TAOK1: variants seen among roughly 807,000 people sequenced by gnomAD.
TAOK1 encodes the protein serine/threonine-protein kinase TAO1.
A neutral mutation model predicts 138.3 loss-of-function variants in TAOK1; 21 were observed. The ratio of observed to expected loss-of-function variants is 0.15; its 90% CI spans 0.11 to 0.22. The LOEUF (loss-of-function observed/expected upper bound fraction) is 0.22. TAOK1 is among the 10% of genes least tolerant of loss of function. TAOK1 has a pLI of 1.00. For synonymous variants in TAOK1, 361 were observed against 398.4 expected (o/e 0.91, Z 1.12); for missense variants, 651 against 1,227.7 (o/e 0.53, Z 7.02).
chr17:29,413,881 C>CTTTTTTTT (rs34539579), intron 1 of TAOK1, among the ~76,000 whole-genome samples: 10 of 101,224 alleles, frequency 9.9e-5, no homozygotes, highest in East Asian at 3.3e-4. Context: ...TTTCTGGCTT[C>CTTTTTTTT]TTTTTTTTTT....
At chr17:29,431,682 C>T (rs1345025872) in intron 1 of TAOK1, among the ~76,000 whole-genome samples, 1 of 152,000 alleles carries the variant, frequency 6.6e-6, no homozygotes, top group Non-Finnish European at 1.5e-5. Flanking sequence ...TCTTGTCACC[C>T]AGGCTGGAGT....
intron 3 of TAOK1, among the ~76,000 whole-genome samples, chr17:29,468,299 G>T (rs1333838517): frequency 6.6e-6 from 1 of 150,798 alleles, no homozygotes; most frequent in African/African-American, 2.4e-5. Flanking sequence ...ACCATGCCAG[G>T]CTAATTTTTT....
In TAOK1 at chr17:29,539,319, G is replaced by T. The variant is rs563969322; in HGVS notation, c.2545-3242G>T. ...GAAACAAAAAATTGCAGAAGAGGCCGGATCGCTTGAGATCAGGAGTTTGAG... is the reference window on the plus strand; with the variant it reads ...GAAACAAAAAATTGCAGAAGAGGCCTGATCGCTTGAGATCAGGAGTTTGAG... On this transcript the variant is annotated intron_variant, in intron 19 of 19. Transcript: ENST00000261716. 2.0e-5 allele frequency among the ~76,000 whole-genome samples: 3 copies of T among 152,142 alleles called. No individual in the cohort carries two copies. In the East Asian group the frequency reaches 5.8e-4, roughly 29 times the overall value.
chr17:29,390,829 C>G lies in TAOK1; in HGVS notation c.-290C>G, dbSNP rs866016025. 8 of 150,866 alleles carry G rather than the reference C, an allele frequency of 5.3e-5. No individual in the cohort carries two copies. Among genetic ancestry groups the G allele is most frequent in the Admixed American group, 1.3e-4 (2 of 15,212 alleles). The allele number at this position is 150,866 out of a possible 1,614,324, so 9.3% of individuals were successfully genotyped here. On this transcript the variant is annotated 5_prime_UTR_variant, in exon 1 of 20. Coordinates refer to ENST00000261716, the MANE Select transcript of TAOK1 (RefSeq NM_020791.4). ...CGACCCCGGTCGTCCCCTCGCCCCC[C>G]CCCCCACCCCCCGCCGCCGCCGCCC...
At chr17:29,436,821 C>A (rs959458081) in intron 1 of TAOK1, among the ~76,000 whole-genome samples, 1 of 152,244 alleles carries the variant, frequency 6.6e-6, no homozygotes, top group South Asian at 2.1e-4. Context: ...TGTACCTAAA[C>A]GTGTCACATA....
At chr17:29,394,819 G>A (rs936486434) in intron 1 of TAOK1, among the ~76,000 whole-genome samples, 1 of 152,234 alleles carries the variant, frequency 6.6e-6, no homozygotes, top group Non-Finnish European at 1.5e-5. Flanking sequence ...TCTGGGCTGG[G>A]CAAAGTGGCT....
chr17:29,477,964 G>A (rs543351006), intron 5 of TAOK1, among the ~76,000 whole-genome samples: 3 of 152,096 alleles, frequency 2.0e-5, no homozygotes, highest in African/African-American at 7.2e-5. Context: ...TGCTCCTCTT[G>A]TTCAAACCAA....
At chr17:29,391,458 C>A (rs1252695623) in intron 1 of TAOK1, among the ~76,000 whole-genome samples, 1 of 152,122 alleles carries the variant, frequency 6.6e-6, no homozygotes, top group Non-Finnish European at 1.5e-5. Context: ...GAAATCTATA[C>A]CCCTCTTCTG....
chr17:29,447,978 T>TC (rs1489224774), intron 1 of TAOK1, among the ~76,000 whole-genome samples: 1 of 125,150 alleles, frequency 8.0e-6, no homozygotes, highest in Non-Finnish European at 1.7e-5. Context: ...TTTTTTTTTT[T>TC]AATTCTTACA....
intron 2 of TAOK1, among the ~76,000 whole-genome samples, chr17:29,460,442 G>A (rs370320305): frequency 2.0e-5 from 3 of 152,052 alleles, no homozygotes; most frequent in Non-Finnish European, 2.9e-5. Flanking sequence ...CACCCGCCTC[G>A]GCCTCCCAAA....
At position 29,517,279 on chromosome 17, in the gene TAOK1, C is replaced by T. The variant is rs374138779; in HGVS notation, c.1705-174C>T. ...CTGGAATTACAGGTGTCAGCCACCACGCCCAGCCTAATTTTGTATTTTAGT... is the reference window on the plus strand; with the variant it reads ...CTGGAATTACAGGTGTCAGCCACCATGCCCAGCCTAATTTTGTATTTTAGT... On this transcript the variant is annotated intron_variant, in intron 15 of 19. Transcript: ENST00000261716. Among the ~76,000 whole-genome samples the T allele has an allele frequency of 5.2e-4, 79 of 152,174 alleles. No individual in the cohort carries two copies. In the South Asian group the frequency reaches 0.014, roughly 28 times the overall value.
chr17:29,432,113 CAG>C (rs1905857798), intron 1 of TAOK1, among the ~76,000 whole-genome samples: 2 of 152,312 alleles, frequency 1.3e-5, no homozygotes, highest in African/African-American at 2.4e-5. Flanking sequence ...AGTGGGAAAT[CAG>C]GGGGCTGACA....
chr17:29,469,301 T>A (rs1463537324), intron 3 of TAOK1, among the ~76,000 whole-genome samples: 8 of 112,790 alleles, frequency 7.1e-5, no homozygotes, highest in Non-Finnish European at 1.0e-4. Flanking sequence ...TTAAATTTTT[T>A]AAAATTATTT....
intron 2 of TAOK1, among the ~76,000 whole-genome samples, chr17:29,457,064 T>G (rs1350907308): frequency 1.4e-5 from 2 of 144,710 alleles, no homozygotes; most frequent in East Asian, 2.0e-4. Flanking sequence ...GTTCTCCCAT[T>G]CTTTTCTTCT....
chr17:29,402,161 T>G (rs1567708146), intron 1 of TAOK1, among the ~76,000 whole-genome samples: 1 of 152,178 alleles, frequency 6.6e-6, no homozygotes, highest in Non-Finnish European at 1.5e-5. Flanking sequence ...TAAAAGGTCC[T>G]GGGCAGGGTA....
At chr17:29,466,623 G>T (rs2030675756) in intron 2 of TAOK1, among the ~76,000 whole-genome samples, 1 of 152,158 alleles carries the variant, frequency 6.6e-6, no homozygotes, top group African/African-American at 2.4e-5. Flanking sequence ...TAATGGGATA[G>T]CTCTTCTATT....
At position 29,526,893 on chromosome 17, in the gene TAOK1, T is replaced by A. The variant is rs1428747981; in HGVS notation, c.2149-3514T>A. On this transcript the variant is annotated intron_variant, in intron 17 of 19. Transcript: ENST00000261716. ...GCTGCAATCCCAGCACTTTGGGAGG[T>A]TGACGTGGGCAGATCACAAGGTCAG... is the stretch of plus-strand genomic sequence containing the variant. Among the ~76,000 whole-genome samples, 3 of 138,804 alleles carry A rather than the reference T, an allele frequency of 2.2e-5. No homozygotes were observed. The East Asian group carries it at 6.4e-4, about 29-fold the overall frequency. 91.1% of individuals were successfully genotyped at this position (138,804 alleles called of 152,430 possible).
At chr17:29,414,962 T>C (rs1475031704) in intron 1 of TAOK1, among the ~76,000 whole-genome samples, 1 of 152,024 alleles carries the variant, frequency 6.6e-6, no homozygotes, top group Non-Finnish European at 1.5e-5. Flanking sequence ...TTTTATACCT[T>C]TTTTTTGCTC....
At chr17:29,475,833 C>T (rs2030931484) in intron 4 of TAOK1, 62 bp downstream of exon 4, 1 of 1,203,430 alleles carries the variant, frequency 8.3e-7, no homozygotes. Flanking sequence ...TGAATTAATT[C>T]AGAATATCTC....
Sources: gnomAD v4.1 joint callset for allele counts (sites outside exome capture counted in the v4.1 genomes callset) on GRCh38, gnomAD v4.1.1 for gene constraint, MANE v1.5 for transcripts, NCBI Gene and HGNC (gene_info 2026-07-23, HGNC 2026-07-21) for gene names.